Variants in ZNF44 observed in about 807,000 individuals in gnomAD.
ZNF44 encodes the protein zinc finger protein 44.
Under a neutral mutation model 11.7 loss-of-function variants are expected in ZNF44, and 9 were observed. That is an observed-to-expected ratio of 0.77 (90% CI 0.46 to 1.35). The LOEUF (loss-of-function observed/expected upper bound fraction) is 1.35, where lower values mean the gene tolerates loss of function less well. Ranked by LOEUF, ZNF44 falls within the 40% of genes most tolerant of loss-of-function variation. The pLI is 0.00. For missense variants in ZNF44, 696 were observed against 743.1 expected, an observed-to-expected ratio of 0.94 and a Z score of 0.74; for synonymous variants, 224 against 242.7, an observed-to-expected ratio of 0.92 and a Z score of 0.72.
At chr19:12,236,904 C>T (rs944659184) in intron 1 of ZNF44, among the ~76,000 whole-genome samples, 1 of 152,174 alleles carries the variant, frequency 6.6e-6, no homozygotes, top group African/African-American at 2.4e-5. Flanking sequence ...CTTTGGTTGA[C>T]AGACCAAATA....
chr19:12,232,117 A>C (rs1173551802), intron 2 of ZNF44, among the ~76,000 whole-genome samples: 1 of 152,238 alleles, frequency 6.6e-6, no homozygotes, highest in Non-Finnish European at 1.5e-5. Flanking sequence ...CATAGTAAAG[A>C]ATCAAGTGCT....
Position 12,272,531 on chromosome 19 carries a change from C to A in ZNF44, c.1724G>T (p.Cys575Phe), listed in dbSNP as rs1386099414. 1.9e-6 allele frequency: 3 copies of A among 1,605,758 alleles called. No homozygotes were observed. The Admixed American group carries it at 5.1e-5, about 27-fold the overall frequency. The part of the protein sequence containing the change: ...CGKAFSRSSF[C>F]REHERTHTGE... Reference sequence around the variant, plus strand: ...AGTGTGAGTTCTTTCATGTTCTCGACAGAAACTGGAACGACTGAAGGCTTT... The same window carrying A: ...AGTGTGAGTTCTTTCATGTTCTCGAAAGAAACTGGAACGACTGAAGGCTTT... The change falls in exon 4 of 4, where the codon TGT becomes TTT. Residue 575 changes from cysteine to phenylalanine, a missense_variant. Cys to Phe is a radical substitution (Grantham distance 205, BLOSUM62 -2). Coordinates refer to ENST00000355684, the MANE Select transcript of ZNF44 (RefSeq NM_016264.4).
At position 12,273,108 on chromosome 19, in the gene ZNF44, G is replaced by C. The variant is rs1967032412; in HGVS notation, c.1147C>G (p.His383Asp). The C allele has an allele frequency of 6.2e-7, 1 of 1,613,878 alleles. No individual in the cohort carries two copies. Among genetic ancestry groups the C allele is most frequent in the South Asian group, 1.1e-5 (1 of 91,078 alleles). The part of the protein sequence containing the change: ...LLSHRSSFRR[H>D]MMAHTGDGPH... ...CCATCTCCAGTGTGTGCCATCATGT[G>C]TCTTCGAAAGCTTGAGCGATGAGAT... The change falls in exon 4 of 4, where the codon CAC becomes GAC. Residue 383 changes from histidine to aspartate, a missense_variant. By Grantham distance (81) the His-to-Asp change is moderately conservative (BLOSUM62 -1). Coordinates refer to ENST00000355684, the MANE Select transcript of ZNF44 (RefSeq NM_016264.4).
chr19:12,233,610 A>AT (rs1377236380), intron 2 of ZNF44, among the ~76,000 whole-genome samples: 4 of 151,832 alleles, frequency 2.6e-5, no homozygotes, highest in Non-Finnish European at 5.9e-5. Context: ...CAGATAGCAA[A>AT]TTTAATCGAA....
At chr19:12,246,369 G>C (rs1162485178), downstream of ZNF44, among the ~76,000 whole-genome samples, 1 of 151,962 alleles carries the variant, frequency 6.6e-6, no homozygotes, top group East Asian at 1.9e-4. Context: ...GTATAACCTT[G>C]GCCCACTATT....
intron 5 of ZNF44, among the ~76,000 whole-genome samples, chr19:12,261,978 G>A (rs1258408234): frequency 6.6e-6 from 1 of 151,618 alleles, no homozygotes; most frequent in African/African-American, 2.4e-5. Flanking sequence ...TTTAAACATA[G>A]GAAACCATTG....
intron 1 of ZNF44, among the ~76,000 whole-genome samples, chr19:12,288,774 G>GTATATGTATATATATATATATA (rs1413658227): frequency 2.6e-5 from 2 of 76,840 alleles, no homozygotes; most frequent in Non-Finnish European, 4.3e-5. Context: ...AAAAAAAAAT[G>GTATATGTATATATATATATATA]TATATATATA....
chr19:12,251,670 G>C (rs1434609123), intron 5 of ZNF44, among the ~76,000 whole-genome samples: 1 of 152,150 alleles, frequency 6.6e-6, no homozygotes, highest in Non-Finnish European at 1.5e-5. Context: ...TTGCCATCCT[G>C]AGATGGTAAA....
intron 1 of ZNF44, chr19:12,293,328 A>G (rs1639461077): frequency 1.3e-6 from 2 of 1,536,876 alleles, no homozygotes; most frequent in East Asian, 2.4e-5. Context: ...TGAGATTGGC[A>G]GCTTCCAGCA....
At chr19:12,293,455 T>C (rs2145777668) in intron 1 of ZNF44, 1 of 1,356,512 alleles carries the variant, frequency 7.4e-7, no homozygotes, top group Non-Finnish European at 9.7e-7. Context: ...CTAGGGGAGA[T>C]AAAAGAGGCA....
intron 1 of ZNF44, among the ~76,000 whole-genome samples, chr19:12,285,672 G>A (rs1002993632): frequency 3.3e-5 from 5 of 152,170 alleles, no homozygotes; most frequent in Admixed American, 2.6e-4. Context: ...CTGTTAGCAT[G>A]TAGAGACAAA....
At chr19:12,234,071 A>T (rs1916278117) in intron 2 of ZNF44, among the ~76,000 whole-genome samples, 1 of 151,914 alleles carries the variant, frequency 6.6e-6, no homozygotes. Context: ...TAAAAAAAAA[A>T]AAAAAAATGA....
intron 1 of ZNF44, 66 bp from the exon 2 acceptor site, chr19:12,276,148 C>T (rs186158623): frequency 2.6e-6 from 4 of 1,559,300 alleles, no homozygotes; most frequent in Admixed American, 3.4e-5. Context: ...CTATACTCAC[C>T]TTCATAAACT....
exon 8 of ZNF44, chr19:12,247,989 T>C (rs773431250): frequency 7.4e-7 from 1 of 1,344,542 alleles, no homozygotes; most frequent in Admixed American, 2.0e-5. Flanking sequence ...TTGAGCAGAG[T>C]TGTGATATAC....
chr19:12,269,478 C>T (rs956161591), downstream of ZNF44, among the ~76,000 whole-genome samples: 3 of 152,046 alleles, frequency 2.0e-5, no homozygotes, highest in African/African-American at 4.8e-5. Flanking sequence ...GCCGAGATAG[C>T]ACCATTGCAC....
At chr19:12,263,925 A>T (rs1437423761) in intron 5 of ZNF44, among the ~76,000 whole-genome samples, 3 of 47,306 alleles carry the variant, frequency 6.3e-5, no homozygotes, top group Non-Finnish European at 1.2e-4. Flanking sequence ...ACTCCGTCTC[A>T]AAAAAAAAAA....
chr19:12,282,368 A>G (rs913633519), intron 1 of ZNF44, among the ~76,000 whole-genome samples: 5 of 151,422 alleles, frequency 3.3e-5, no homozygotes, highest in African/African-American at 9.7e-5. Context: ...AGAAGTGATA[A>G]CCTACAGGTC....
Position 12,274,038 on chromosome 19 carries a change from T to G in ZNF44, c.217A>C (p.Lys73Gln), listed in dbSNP as rs1967105015. The change falls in exon 4 of 4, where the codon AAA (lysine) becomes CAA (glutamine). Residue 73 changes from lysine to glutamine, a missense_variant. Physicochemically the swap from Lys to Gln is moderately conservative, Grantham distance 53 (BLOSUM62 1). Transcript: ENST00000355684. Reference sequence around the variant, plus strand: ...CCACACTGACTACCATCTTTACTTTTACCAAATCTCTCTACCACATCACAC... The same window carrying G: ...CCACACTGACTACCATCTTTACTTTGACCAAATCTCTCTACCACATCACAC... ...PRCDVVERFG[K>Q]SKDGSQCGET... is the part of the protein sequence containing the mutation. 6.2e-7 allele frequency: 1 copy of G among 1,612,840 alleles called. No individual in the cohort carries two copies. The highest frequency in any genetic ancestry group is 1.7e-5 in the Admixed American group (1 of 59,948).
At position 12,276,082 on chromosome 19, in the gene ZNF44, C is replaced by T. The variant is rs1967208515; in HGVS notation, c.4G>A (p.Asp2Asn). 4 of 1,602,876 alleles carry T rather than the reference C, an allele frequency of 2.5e-6. No homozygotes were observed. The highest frequency in any genetic ancestry group is 3.4e-6 in the Non-Finnish European group (4 of 1,172,546). Residue 2 changes from aspartate (D) to asparagine (N), a missense_variant and splice_region_variant, in exon 2 of 4, where the codon GAC becomes AAC. Transcript: ENST00000355684. The stretch of plus-strand genomic sequence containing the variant: ...GCCACATCCTCAAAGGCCACTGAGT[C>T]CTGAAACATCCCATATGTCCAGAAA... M[D>N]SVAFEDVAVN... is the part of the protein sequence containing the mutation.
Sources: gnomAD v4.1 joint callset for allele counts (sites outside exome capture counted in the v4.1 genomes callset) on GRCh38, gnomAD v4.1.1 for gene constraint, MANE v1.5 for transcripts, NCBI Gene and HGNC (gene_info 2026-07-23, HGNC 2026-07-21) for gene names.